The following CNTNAP2 variants were observed in gnomAD, a reference collection of about 807,000 sequenced individuals.
CNTNAP2 encodes the protein contactin associated protein 2.
Under a neutral mutation model 155.2 loss-of-function variants are expected in CNTNAP2, and 98 were observed. The observed-to-expected ratio is 0.63, with a 90% CI of 0.54 to 0.75. The LOEUF (loss-of-function observed/expected upper bound fraction) is 0.75, where lower values mean the gene tolerates loss of function less well. CNTNAP2 is among the 30% of genes least tolerant of loss of function. The pLI is 0.00. For synonymous variants in CNTNAP2, 651 were observed against 631.2 expected, an observed-to-expected ratio of 1.03 and a Z score of -0.47; for missense variants, 1,727 against 1,688.1, an observed-to-expected ratio of 1.02 and a Z score of -0.40.
intron 13 of CNTNAP2, among the ~76,000 whole-genome samples, chr7:147,848,441 C>T (rs1357919538): frequency 1.3e-5 from 2 of 150,930 alleles, no homozygotes; most frequent in South Asian, 2.1e-4. Context: ...GGCAATGCCT[C>T]GCCCTGCTTC....
chr7:148,193,629 T>C (rs1191826470), intron 18 of CNTNAP2, among the ~76,000 whole-genome samples: 1 of 152,036 alleles, frequency 6.6e-6, no homozygotes, highest in East Asian at 1.9e-4. Context: ...GCTCAGGGCC[T>C]CTAACTCCTC....
At chr7:146,785,347 G>C (rs888427205) in intron 2 of CNTNAP2, among the ~76,000 whole-genome samples, 2 of 152,050 alleles carry the variant, frequency 1.3e-5, no homozygotes, top group Non-Finnish European at 2.9e-5. Flanking sequence ...GAATTTTTGT[G>C]AATGATTTCT....
At chr7:146,885,841 G>A (rs1431760393) in intron 3 of CNTNAP2, among the ~76,000 whole-genome samples, 1 of 151,732 alleles carries the variant, frequency 6.6e-6, no homozygotes, top group Non-Finnish European at 1.5e-5. Flanking sequence ...TGTAAACTAA[G>A]CATTTCAATA....
intron 1 of CNTNAP2, among the ~76,000 whole-genome samples, chr7:146,517,438 A>G (rs968176630): frequency 6.6e-6 from 1 of 152,004 alleles, no homozygotes; most frequent in Non-Finnish European, 1.5e-5. Flanking sequence ...GTTGGAGAAG[A>G]GTAATCTAGC....
At chr7:148,163,629 A>C (rs570898217) in intron 17 of CNTNAP2, among the ~76,000 whole-genome samples, 2 of 152,212 alleles carry the variant, frequency 1.3e-5, no homozygotes, top group Non-Finnish European at 2.9e-5. Context: ...AACTGAAAAA[A>C]ATCCATCCTA....
intron 1 of CNTNAP2, among the ~76,000 whole-genome samples, chr7:146,258,429 C>A (rs1314585766): frequency 1.3e-5 from 2 of 152,062 alleles, no homozygotes; most frequent in Non-Finnish European, 2.9e-5. Context: ...AAAATGCAAT[C>A]ATTTATATTT....
At chr7:146,644,999 G>C (rs1217615304) in intron 1 of CNTNAP2, among the ~76,000 whole-genome samples, 1 of 152,144 alleles carries the variant, frequency 6.6e-6, no homozygotes, top group Non-Finnish European at 1.5e-5. Context: ...GCATCATCCT[G>C]ATACCAAAGC....
At chr7:147,247,639 G>A (rs557143008) in intron 8 of CNTNAP2, among the ~76,000 whole-genome samples, 7 of 152,038 alleles carry the variant, frequency 4.6e-5, no homozygotes, top group African/African-American at 7.2e-5. Context: ...TTACCACAGT[G>A]GACAGAGATA....
At chr7:147,648,115 T>G (rs1795396904) in intron 13 of CNTNAP2, among the ~76,000 whole-genome samples, 1 of 151,856 alleles carries the variant, frequency 6.6e-6, no homozygotes, top group African/African-American at 2.4e-5. Flanking sequence ...AAAGCAAGAG[T>G]AGGGGTTTAA....
chr7:148,004,569 A>AT (rs1228316069), intron 15 of CNTNAP2, among the ~76,000 whole-genome samples: 1 of 152,076 alleles, frequency 6.6e-6, no homozygotes, highest in Non-Finnish European at 1.5e-5. Context: ...TACATTAATT[A>AT]TTTTTTCTCA....
intron 9 of CNTNAP2, among the ~76,000 whole-genome samples, chr7:147,359,831 C>T (rs1305606307): frequency 6.6e-6 from 1 of 152,142 alleles, no homozygotes; most frequent in East Asian, 1.9e-4. Flanking sequence ...TCTCTACTCC[C>T]TAACCCTCTT....
chr7:146,922,570 T>A (rs1585159250), intron 3 of CNTNAP2, among the ~76,000 whole-genome samples: 1 of 152,090 alleles, frequency 6.6e-6, no homozygotes, highest in Non-Finnish European at 1.5e-5. Flanking sequence ...GACCTATGAA[T>A]AGGTGAGAAT....
intron 13 of CNTNAP2, among the ~76,000 whole-genome samples, chr7:147,780,583 G>A (rs1347015884): frequency 3.9e-5 from 6 of 152,068 alleles, no homozygotes; most frequent in Middle Eastern, 3.2e-3. Flanking sequence ...ATGACATTCA[G>A]GACCAAAAAA....
chr7:146,904,073 C>T (rs992027788), intron 3 of CNTNAP2, among the ~76,000 whole-genome samples: 4 of 152,138 alleles, frequency 2.6e-5, no homozygotes, highest in Non-Finnish European at 4.4e-5. Flanking sequence ...CCCTTCATTG[C>T]TTTCCATGTT....
At chr7:146,478,354 A>G (rs1412491978) in intron 1 of CNTNAP2, among the ~76,000 whole-genome samples, 1 of 151,938 alleles carries the variant, frequency 6.6e-6, no homozygotes, top group Non-Finnish European at 1.5e-5. Context: ...CAAACAAAAA[A>G]CCACCAAGAG....
chr7:146,270,308 T>C (rs1038858269), intron 1 of CNTNAP2, among the ~76,000 whole-genome samples: 1 of 152,202 alleles, frequency 6.6e-6, no homozygotes, highest in African/African-American at 2.4e-5. Context: ...AGCACAGTGC[T>C]CAACGTATGG....
chr7:147,380,741 C>G (rs1796521198), intron 9 of CNTNAP2, among the ~76,000 whole-genome samples: 1 of 152,086 alleles, frequency 6.6e-6, no homozygotes, highest in Non-Finnish European at 1.5e-5. Flanking sequence ...AATATATAGT[C>G]ATATATAGAA....
chr7:146,187,150 G>A (rs1035784991), intron 1 of CNTNAP2, among the ~76,000 whole-genome samples: 33 of 152,172 alleles, frequency 2.2e-4, no homozygotes, highest in African/African-American at 7.2e-4. Context: ...TTTTTCCTAA[G>A]GGAAGAGTGA....
chr7:147,004,787 G>A (rs1798495173), intron 3 of CNTNAP2, among the ~76,000 whole-genome samples: 1 of 151,930 alleles, frequency 6.6e-6, no homozygotes, highest in African/African-American at 2.4e-5. Context: ...AGAAATTGAA[G>A]CATACAGAAT....
Sources: allele counts gnomAD v4.1 joint callset (sites outside exome capture counted in the v4.1 genomes callset), GRCh38; gene constraint gnomAD v4.1.1; transcripts MANE v1.5; gene names NCBI Gene and HGNC (gene_info 2026-07-23, HGNC 2026-07-21).